The following PKD1L1 variants were observed in gnomAD, a reference collection of about 807,000 sequenced individuals.
The protein encoded by PKD1L1 is polycystin 1 like 1, transient receptor potential channel interacting, also known as polycystin-1-like protein 1.
In PKD1L1, 236 loss-of-function variants were observed where a neutral mutation model predicts 323.4. The ratio of observed to expected loss-of-function variants is 0.73; its 90% CI spans 0.66 to 0.81. The LOEUF (loss-of-function observed/expected upper bound fraction) is 0.81. Among genes scored for constraint, PKD1L1 ranks in the 40% least tolerant of loss-of-function variants. The probability of loss-of-function intolerance (pLI) is 0.00; values close to 1 mark genes in which losing one functional copy is unlikely to be tolerated. For missense variants in PKD1L1, 3,320 were observed against 3,508.0 expected (o/e 0.95, Z 1.35); for synonymous variants, 1,344 against 1,335.0 (o/e 1.01, Z -0.15).
intron 7 of PKD1L1, among the ~76,000 whole-genome samples, chr7:47,916,393 A>T (rs1423770500): frequency 6.6e-6 from 1 of 152,202 alleles, no homozygotes; most frequent in Non-Finnish European, 1.5e-5. Flanking sequence ...ACTTTTTATA[A>T]ATAAATAAAT....
intron 26 of PKD1L1, among the ~76,000 whole-genome samples, chr7:47,860,378 C>T (rs1324479104): frequency 6.6e-6 from 1 of 152,204 alleles, no homozygotes; most frequent in Non-Finnish European, 1.5e-5. Context: ...AAGACACAGA[C>T]TAATCTTTTT....
intron 46 of PKD1L1, chr7:47,819,653 A>T: frequency 8.7e-7 from 1 of 1,146,304 alleles, no homozygotes; most frequent in Non-Finnish European, 1.2e-6. Context: ...GAAAAAAAAA[A>T]ACAAAACAAC....
At position 47,775,102 on chromosome 7, in the gene PKD1L1, C is replaced by A; in HGVS notation, c.*41G>T. The A allele has an allele frequency of 6.2e-7, 1 of 1,603,398 alleles. No homozygotes were observed. The highest frequency in any genetic ancestry group is 8.5e-7 in the Non-Finnish European group (1 of 1,175,164). ...AAAATTGGCTGTTGGGTGGGTTAAG[C>A]AAAACAGGGTCCATAGTGCCTATGC... On this transcript the variant is annotated 3_prime_UTR_variant, in exon 57 of 57. Transcript: ENST00000289672.
rs772668015 is a variant in PKD1L1, at chr7:47,893,864, G to A, written c.2453+14C>T. ...CTGAGTAGCTGCGCAGCTCTGTGTG[G>A]GGGTGGTGCTCACCTGAGAGTCGCC... On this transcript the variant is annotated intron_variant, in intron 15 of 56. Transcript: ENST00000289672. 1.9e-6 allele frequency: 3 copies of A among 1,610,740 alleles called. No individual in the cohort carries two copies. Among genetic ancestry groups the A allele is most frequent in the Non-Finnish European group, 2.5e-6 (3 of 1,178,826 alleles).
At chr7:47,888,830 T>C (rs373434575) in intron 16 of PKD1L1, among the ~76,000 whole-genome samples, 1 of 152,120 alleles carries the variant, frequency 6.6e-6, no homozygotes, top group African/African-American at 2.4e-5. Flanking sequence ...TGCACTTTTA[T>C]GGTTTTTCAT....
At chr7:47,886,261 G>A (rs2128747862) in intron 17 of PKD1L1, among the ~76,000 whole-genome samples, 1 of 152,266 alleles carries the variant, frequency 6.6e-6, no homozygotes, top group Non-Finnish European at 1.5e-5. Flanking sequence ...GCACATGTAT[G>A]GAAGTAGAAG....
intron 23 of PKD1L1, 57 bp from the exon 24 acceptor site, chr7:47,874,067 T>TGTCTATGTGTGAAGAAGCATC: frequency 9.3e-7 from 1 of 1,072,356 alleles, no homozygotes; most frequent in Non-Finnish European, 1.4e-6. Context: ...ACAGAGATGC[T>TGTCTATGTGTGAAGAAGCATC]TCTTCACACA....
chr7:47,811,013 A>G (rs771111642), intron 50 of PKD1L1, among the ~76,000 whole-genome samples: 7 of 152,262 alleles, frequency 4.6e-5, no homozygotes, highest in Middle Eastern at 6.8e-3. Context: ...CCCTGTGTAT[A>G]CCCACAAAGA....
At chr7:47,812,684 C>T (rs1784926533) in intron 49 of PKD1L1, among the ~76,000 whole-genome samples, 1 of 152,132 alleles carries the variant, frequency 6.6e-6, no homozygotes, top group Non-Finnish European at 1.5e-5. Flanking sequence ...GGCCTGACCT[C>T]AGACCTAGCT....
intron 11 of PKD1L1, among the ~76,000 whole-genome samples, 199 bp from the exon 12 acceptor site, chr7:47,904,816 C>T (rs760887049): frequency 2.6e-4 from 39 of 152,122 alleles, no homozygotes; most frequent in Non-Finnish European, 4.4e-4. Context: ...CTACCCCCCT[C>T]TTCATTATTT....
chr7:47,869,522 T>C (rs1281992334), intron 24 of PKD1L1, among the ~76,000 whole-genome samples: 8 of 152,178 alleles, frequency 5.3e-5, no homozygotes, highest in Admixed American at 5.2e-4. Flanking sequence ...AAGAGGGACA[T>C]TTCCTAATGA....
chr7:47,792,833 A>T, intron 55 of PKD1L1, 36 bp from the exon 56 acceptor site: 1 of 1,561,176 alleles, frequency 6.4e-7, no homozygotes, highest in South Asian at 1.1e-5. Flanking sequence ...AAATGCATTC[A>T]AGAATCTCAT....
intron 50 of PKD1L1, among the ~76,000 whole-genome samples, chr7:47,810,934 G>A (rs907470315): frequency 2.0e-5 from 3 of 152,138 alleles, no homozygotes; most frequent in African/African-American, 7.2e-5. Flanking sequence ...AGGTTAACTG[G>A]GGCTCTGGTC....
rs865939887 is a variant in PKD1L1 at position 47,829,485 on chromosome 7, C to T, written c.6675G>A (p.Trp2225Ter). The T allele has an allele frequency of 1.9e-6, 3 of 1,613,974 alleles. No homozygotes were observed. Among genetic ancestry groups the T allele is most frequent in the Non-Finnish European group, 2.5e-6 (3 of 1,180,020 alleles). ...DLDSELAERS[W>*]TRLPFSSSCS... ...AGCTTGAAGAGAAGGGGAGGCGAGT[C>T]CAGGAACGTTCTGCCAATTCAGAGT... The change falls in exon 44 of 57, where the codon TGG (tryptophan) becomes TGA (stop). Residue 2225 changes from tryptophan to a stop codon, truncating the protein, a stop_gained. Transcript: ENST00000289672. LOFTEE classifies it high-confidence loss of function.
intron 9 of PKD1L1, among the ~76,000 whole-genome samples, chr7:47,907,569 T>C (rs899370263): frequency 1.3e-5 from 2 of 152,160 alleles, no homozygotes; most frequent in Non-Finnish European, 2.9e-5. Flanking sequence ...GGATATTTTG[T>C]CCTTCATCAA....
intron 15 of PKD1L1, among the ~76,000 whole-genome samples, chr7:47,891,691 C>T (rs1010470629): frequency 3.3e-5 from 5 of 152,222 alleles, no homozygotes; most frequent in African/African-American, 1.2e-4. Context: ...AGAGCAACTG[C>T]CCCTGGGGTT....
intron 53 of PKD1L1, among the ~76,000 whole-genome samples, chr7:47,801,287 G>C (rs1784657118): frequency 6.6e-6 from 1 of 152,182 alleles, no homozygotes; most frequent in Admixed American, 6.5e-5. Flanking sequence ...CCAGAGCTTA[G>C]TAAAATAAAT....
chr7:47,870,350 T>G (rs946876068), intron 24 of PKD1L1, among the ~76,000 whole-genome samples: 1 of 151,758 alleles, frequency 6.6e-6, no homozygotes, highest in Non-Finnish European at 1.5e-5. Flanking sequence ...ATGACAAATC[T>G]TTAGCTAGAC....
intron 56 of PKD1L1, among the ~76,000 whole-genome samples, chr7:47,776,992 A>G (rs1273266417): frequency 6.6e-6 from 1 of 152,070 alleles, no homozygotes; most frequent in Non-Finnish European, 1.5e-5. Flanking sequence ...CCCAGGTTCA[A>G]TCAATTCTCC....
Sources: allele counts gnomAD v4.1 joint callset (sites outside exome capture counted in the v4.1 genomes callset), GRCh38; gene constraint gnomAD v4.1.1; transcripts MANE v1.5; gene names NCBI Gene and HGNC (gene_info 2026-07-23, HGNC 2026-07-21).